The following FLNB variants were observed in gnomAD, a reference collection of about 807,000 sequenced individuals.
FLNB encodes the protein filamin-B.
A neutral mutation model predicts 250.6 loss-of-function variants in FLNB; 111 were observed. That is an observed-to-expected ratio of 0.44 (90% CI 0.38 to 0.52). FLNB has a LOEUF of 0.52. Ranked by LOEUF, FLNB falls within the 20% of genes least tolerant of loss-of-function variation. The pLI is 0.00. For synonymous variants in FLNB, 1,302 were observed against 1,372.1 expected (o/e 0.95, Z 1.13); for missense variants, 2,869 against 3,447.8 (o/e 0.83, Z 4.20).
At chr3:58,109,750 A>T (rs1477344221) in intron 15 of FLNB, 51 bp downstream of exon 15, 4 of 1,612,820 alleles carry the variant, frequency 2.5e-6, no homozygotes, top group Non-Finnish European at 3.4e-6. Context: ...TGGGGAAGGC[A>T]GTTCTTTTCA....
chr3:58,059,327 CAT>C (rs2097174760), intron 1 of FLNB, among the ~76,000 whole-genome samples: 1 of 152,080 alleles, frequency 6.6e-6, no homozygotes, highest in Admixed American at 6.6e-5. Flanking sequence ...AAAAAGAAAA[CAT>C]GAGTGAAGGA....
At chr3:58,131,399 T>C (rs544874788) in intron 25 of FLNB, among the ~76,000 whole-genome samples, 10 of 152,210 alleles carry the variant, frequency 6.6e-5, no homozygotes, top group Non-Finnish European at 1.5e-4. Context: ...GGGAATGGGC[T>C]TTGTTGGCAA....
intron 1 of FLNB, among the ~76,000 whole-genome samples, chr3:58,023,797 A>T (rs1298242761): frequency 6.6e-6 from 1 of 152,216 alleles, no homozygotes; most frequent in African/African-American, 2.4e-5. Flanking sequence ...TGTTCCAGCC[A>T]CTTTCTGTCT....
chr3:58,024,652 A>T (rs1400439304), intron 1 of FLNB, among the ~76,000 whole-genome samples: 1 of 150,226 alleles, frequency 6.7e-6, no homozygotes, highest in Non-Finnish European at 1.5e-5. Flanking sequence ...GTTGAGTAGG[A>T]ACCATCATGA....
intron 18 of FLNB, among the ~76,000 whole-genome samples, 164 bp downstream of exon 18, chr3:58,112,482 A>G (rs889471132): frequency 1.3e-5 from 2 of 152,244 alleles, no homozygotes; most frequent in African/African-American, 2.4e-5. Flanking sequence ...GGGAGCACCT[A>G]TAGGAAGCCC....
chr3:58,046,103 A>G (rs1273872870), intron 1 of FLNB, among the ~76,000 whole-genome samples: 1 of 151,822 alleles, frequency 6.6e-6, no homozygotes, highest in Admixed American at 6.6e-5. Flanking sequence ...AGATTGGAAG[A>G]TATTCTGTTA....
At chr3:58,105,344 C>A in intron 11 of FLNB, 128 bp downstream of exon 11, 2 of 1,130,608 alleles carry the variant, frequency 1.8e-6, no homozygotes, top group Non-Finnish European at 2.6e-6. Context: ...TCCTGGCCAC[C>A]CTAAGCCATC....
intron 42 of FLNB, chr3:58,162,825 C>T: frequency 3.0e-6 from 1 of 329,674 alleles, no homozygotes; most frequent in East Asian, 7.1e-5. Context: ...TGAGATTCAT[C>T]TCGTGACAGG....
chr3:58,163,602 CT>C (rs1181207906), intron 43 of FLNB: 2 of 488,776 alleles, frequency 4.1e-6, no homozygotes, highest in Non-Finnish European at 7.5e-6. Context: ...AGTTTCTTGA[CT>C]TTCAGAACAG....
chr3:58,121,824 C>T (rs1191011578), intron 20 of FLNB, among the ~76,000 whole-genome samples: 1 of 152,174 alleles, frequency 6.6e-6, no homozygotes, highest in Non-Finnish European at 1.5e-5. Flanking sequence ...GCCCAGCACC[C>T]AGCTCACAGA....
At chr3:58,143,325 TC>T (rs951816664) in intron 31 of FLNB, 147 bp from the exon 32 acceptor site, 81 of 792,684 alleles carry the variant, frequency 1.0e-4, no homozygotes, top group Non-Finnish European at 1.6e-4. Flanking sequence ...AAATGGTCTC[TC>T]CCATTGTGGG....
chr3:58,170,271 C>T (rs2097379900), intron 45 of FLNB, among the ~76,000 whole-genome samples: 1 of 152,164 alleles, frequency 6.6e-6, no homozygotes, highest in Non-Finnish European at 1.5e-5. Flanking sequence ...ACCCATAACT[C>T]TTAAACCTCA....
intron 15 of FLNB, 54 bp from the exon 16 acceptor site, chr3:58,109,956 G>T: frequency 6.2e-7 from 1 of 1,604,630 alleles, no homozygotes; most frequent in Non-Finnish European, 8.5e-7. Flanking sequence ...GGAAGAGATT[G>T]CACAGGACAT....
intron 43 of FLNB, 130 bp downstream of exon 43, chr3:58,163,460 C>T (rs2097364959): frequency 8.6e-6 from 8 of 930,024 alleles, no homozygotes; most frequent in Admixed American, 4.3e-5. Flanking sequence ...ATGCACACTT[C>T]GGAGGCGCTT....
Position 58,081,763 on chromosome 3 carries a change from G to A in FLNB, c.774G>A (p.Arg258=). 1 of 1,614,082 alleles carries A rather than the reference G, an allele frequency of 6.2e-7. No individual in the cohort carries two copies. Among genetic ancestry groups the A allele is most frequent in the East Asian group, 2.2e-5 (1 of 44,882 alleles). ...LKPKLNPKKA[R]AYGRGIEPTG... ...CCAAACTCAACCCGAAGAAAGCCAGGGCCTATGGCAGAGGTGAGTGCTGGT... is the reference window on the plus strand; with the variant it reads ...CCAAACTCAACCCGAAGAAAGCCAGAGCCTATGGCAGAGGTGAGTGCTGGT... The change falls in exon 4 of 46, where the codon AGG becomes AGA. Residue 258 remains arginine, a synonymous_variant. Coordinates refer to ENST00000295956, the MANE Select transcript of FLNB (RefSeq NM_001457.4).
In FLNB at chr3:58,126,675, A is replaced by G; in HGVS notation, c.4135A>G (p.Lys1379Glu). 1 of 1,613,756 alleles carries G rather than the reference A, an allele frequency of 6.2e-7. No homozygotes were observed. Among genetic ancestry groups the G allele is most frequent in the East Asian group, 2.2e-5 (1 of 44,882 alleles). ...SESKINCRDN[K>E]DGSCSAEYIP... ...GTCGAAGATAAATTGCAGAGACAAC[A>G]AGGATGGCAGCTGCAGTGCTGAGTA... Residue 1379 changes from lysine to glutamate, a missense_variant, in exon 24 of 46, where the codon AAG (lysine) becomes GAG (glutamate). Lys to Glu is a moderately conservative substitution (Grantham distance 56). Around this residue, in one of 5 missense-constraint regions of FLNB, gnomAD observed 1,348 missense variants for 1,466.7 expected, o/e 0.92. Transcript: ENST00000295956.
chr3:58,101,583 A>G (rs563653554), intron 8 of FLNB, among the ~76,000 whole-genome samples: 3 of 152,328 alleles, frequency 2.0e-5, no homozygotes, highest in Admixed American at 1.3e-4. Context: ...TTTACTGCTA[A>G]TTATTGCCTT....
intron 40 of FLNB, 47 bp downstream of exon 40, chr3:58,154,975 G>A (rs770123015): frequency 6.3e-7 from 1 of 1,591,752 alleles, no homozygotes; most frequent in Non-Finnish European, 8.6e-7. Flanking sequence ...GTTTGAACAT[G>A]ATTAGGTTGC....
intron 32 of FLNB, among the ~76,000 whole-genome samples, chr3:58,143,967 G>A (rs1370857108): frequency 1.3e-5 from 2 of 152,160 alleles, no homozygotes; most frequent in Admixed American, 6.5e-5. Flanking sequence ...GAGGCTTGGG[G>A]CCAGGTCAGA....
Sources: gnomAD v4.1 joint callset for allele counts (sites outside exome capture counted in the v4.1 genomes callset) on GRCh38, gnomAD v4.1.1 for gene constraint, gnomAD v4.1.1 regional missense constraint, MANE v1.5 for transcripts, NCBI Gene and HGNC (gene_info 2026-07-23, HGNC 2026-07-21) for gene names.